DEPDC5: variants seen among roughly 807,000 people sequenced by gnomAD.
DEPDC5 encodes the protein DEP domain containing 5, GATOR1 subcomplex subunit.
A neutral mutation model predicts 217.3 loss-of-function variants in DEPDC5; 73 were observed. That is an observed-to-expected ratio of 0.34 (90% CI 0.28 to 0.41). The LOEUF is 0.41. Ranked by LOEUF, DEPDC5 falls within the 10% of genes least tolerant of loss-of-function variation. The pLI, the probability that DEPDC5 is intolerant of heterozygous loss-of-function variation, is 1.00. For missense variants in DEPDC5, 1,675 were observed against 2,070.1 expected, an observed-to-expected ratio of 0.81 and a Z score of 3.70; for synonymous variants, 733 against 756.7, an observed-to-expected ratio of 0.97 and a Z score of 0.51.
intron 4 of DEPDC5, among the ~76,000 whole-genome samples, chr22:31,761,180 A>G (rs946188022): frequency 6.6e-6 from 1 of 152,026 alleles, no homozygotes; most frequent in Non-Finnish European, 1.5e-5. Context: ...ACGAGGTTTC[A>G]CCGTGTTAGC....
intron 34 of DEPDC5, among the ~76,000 whole-genome samples, chr22:31,870,979 G>A (rs2092825608): frequency 6.6e-6 from 1 of 152,222 alleles, no homozygotes; most frequent in South Asian, 2.1e-4. Context: ...GAAAGTGTCA[G>A]GCACCACACA....
At chr22:31,801,822 A>G (rs952332086) in intron 14 of DEPDC5, among the ~76,000 whole-genome samples, 1 of 152,172 alleles carries the variant, frequency 6.6e-6, no homozygotes, top group Admixed American at 6.6e-5. Context: ...GTCTGTACCC[A>G]GGTGCTCAGG....
At chr22:31,818,518 A>T (rs944542801) in intron 21 of DEPDC5, among the ~76,000 whole-genome samples, 1 of 152,162 alleles carries the variant, frequency 6.6e-6, no homozygotes, top group Non-Finnish European at 1.5e-5. Context: ...GCCAGAACTA[A>T]GTCATTTGGC....
chr22:31,906,710 G>A lies in DEPDC5; in HGVS notation c.*213G>A, dbSNP rs1035067205. 2 of 642,536 alleles carry A rather than the reference G, an allele frequency of 3.1e-6. No homozygotes were observed. Among genetic ancestry groups the A allele is most frequent in the African/African-American group, 1.8e-5 (1 of 54,626 alleles). The allele number at this position is 642,536 out of a possible 1,614,324, so 39.8% of individuals were successfully genotyped here. On this transcript the variant is annotated 3_prime_UTR_variant, in exon 43 of 43. Coordinates refer to ENST00000651528, the MANE Select transcript of DEPDC5 (RefSeq NM_001242896.3). This position sits in a 1 kb window ranked among gnomAD's most constrained non-coding sequence, Gnocchi z 5.1. ...TAGAAGAAAGACTTTGGAAGCAGCT[G>A]CTGCTGCTGCCACCACTCCTGTCAG...
chr22:31,794,675 A>G (rs945321298), intron 12 of DEPDC5, among the ~76,000 whole-genome samples: 7 of 152,158 alleles, frequency 4.6e-5, no homozygotes, highest in Non-Finnish European at 8.8e-5. Context: ...GCCTGAGCTC[A>G]GGAGTTTGAA....
intron 33 of DEPDC5, among the ~76,000 whole-genome samples, chr22:31,863,977 C>A (rs2092601226): frequency 6.6e-6 from 1 of 151,956 alleles, no homozygotes; most frequent in Admixed American, 6.6e-5. Context: ...TATACATACA[C>A]AAAATTAAAT....
Position 31,762,691 on chromosome 22 carries a change from AGGC to A in DEPDC5, c.193+1990_193+1992del, listed in dbSNP as rs547421071. On this transcript the variant is annotated intron_variant, in intron 4 of 42. Transcript: ENST00000651528. Reference sequence around the variant, plus strand: ...GGCAGGAGAATTGCTTGAATCTGGGAGGCAGAAGTTGTGGTGAGCTGAGATCAC... The same window carrying A: ...GGCAGGAGAATTGCTTGAATCTGGGAAGAAGTTGTGGTGAGCTGAGATCAC... 2.6e-5 allele frequency among the ~76,000 whole-genome samples: 4 copies of A among 152,154 alleles called. 1 individual carries two copies. In the South Asian group the frequency reaches 8.3e-4, roughly 32 times the overall value.
chr22:31,792,220 G>A, intron 11 of DEPDC5, 118 bp downstream of exon 11: 1 of 723,030 alleles, frequency 1.4e-6, no homozygotes, highest in Non-Finnish European at 2.4e-6. Context: ...CATCTTTTCT[G>A]TTATGGGGAC....
chr22:31,801,626 G>A (rs1253787009), intron 14 of DEPDC5, among the ~76,000 whole-genome samples: 1 of 152,180 alleles, frequency 6.6e-6, no homozygotes, highest in East Asian at 1.9e-4. Flanking sequence ...GGGAACCATA[G>A]CAGCAGGAAT....
chr22:31,761,958 A>G (rs1601610160), intron 4 of DEPDC5, among the ~76,000 whole-genome samples: 2 of 131,566 alleles, frequency 1.5e-5, no homozygotes, highest in Non-Finnish European at 3.1e-5. Context: ...ACAGAGCGAG[A>G]CTCCGGCTCA....
chr22:31,859,240 G>T (rs1476791866), intron 32 of DEPDC5, among the ~76,000 whole-genome samples: 1 of 147,924 alleles, frequency 6.8e-6, no homozygotes, highest in African/African-American at 2.5e-5. Flanking sequence ...ACAGGCGCCC[G>T]CCACCACGCC....
intron 38 of DEPDC5, among the ~76,000 whole-genome samples, chr22:31,892,900 G>A (rs920660660): frequency 2.1e-5 from 3 of 140,118 alleles, no homozygotes; most frequent in Admixed American, 7.3e-5. Context: ...TTTTTGAGAC[G>A]GAGTCTCGCT....
At chr22:31,755,095 C>CA in intron 2 of DEPDC5, 116 bp downstream of exon 2, 1 of 1,125,898 alleles carries the variant, frequency 8.9e-7, no homozygotes, top group South Asian at 1.4e-5. Context: ...GGCGACTAAA[C>CA]AGACTAAAGC....
intron 8 of DEPDC5, among the ~76,000 whole-genome samples, chr22:31,782,517 C>G (rs577495335): frequency 3.3e-5 from 5 of 152,166 alleles, no homozygotes; most frequent in African/African-American, 1.2e-4. Context: ...TCCCTCTAAA[C>G]TTCTTTAGAG....
At chr22:31,878,271 A>G (rs946015544) in intron 37 of DEPDC5, among the ~76,000 whole-genome samples, 2 of 152,044 alleles carry the variant, frequency 1.3e-5, no homozygotes, top group Non-Finnish European at 2.9e-5. Flanking sequence ...GCAGAAGTGG[A>G]CGTGTGTGGG....
chr22:31,839,267 G>A (rs922962958), intron 27 of DEPDC5, among the ~76,000 whole-genome samples: 3 of 152,204 alleles, frequency 2.0e-5, no homozygotes, highest in Non-Finnish European at 2.9e-5. Flanking sequence ...GGATTCATCT[G>A]TCTCTTCTTT....
chr22:31,875,624 GAT>G (rs1491423456), intron 36 of DEPDC5: 1 of 140,176 alleles, frequency 7.1e-6, no homozygotes, highest in Non-Finnish European at 1.5e-5. Context: ...GGCATATGTG[GAT>G]TTTTTTTTTT....
At chr22:31,856,443 A>G (rs2092306161) in intron 31 of DEPDC5, among the ~76,000 whole-genome samples, 2 of 152,202 alleles carry the variant, frequency 1.3e-5, no homozygotes, top group African/African-American at 4.8e-5. Flanking sequence ...AGCACTTAAG[A>G]CTTCAGTGTG....
At chr22:31,882,155 C>G (rs1413503364) in intron 38 of DEPDC5, among the ~76,000 whole-genome samples, 2 of 152,092 alleles carry the variant, frequency 1.3e-5, no homozygotes, top group African/African-American at 2.4e-5. Flanking sequence ...AGAAGCTTCT[C>G]AAGAAGCAAC....
Sources: gnomAD v4.1 joint callset for allele counts (sites outside exome capture counted in the v4.1 genomes callset) on GRCh38, gnomAD v4.1.1 for gene constraint, Gnocchi (gnomAD v3.1) non-coding constraint, MANE v1.5 for transcripts, NCBI Gene and HGNC (gene_info 2026-07-23, HGNC 2026-07-21) for gene names.